The following WDR44 variants were observed in gnomAD, a reference collection of about 807,000 sequenced individuals.
WDR44 encodes the protein WD repeat-containing protein 44.
A neutral mutation model predicts 65.7 loss-of-function variants in WDR44; 9 were observed. The observed-to-expected ratio is 0.14, with a 90% CI of 0.08 to 0.24. WDR44 has a LOEUF of 0.24. Among genes scored for constraint, WDR44 ranks in the 10% least tolerant of loss-of-function variants. WDR44 has a pLI of 1.00. For synonymous variants in WDR44, 220 were observed against 235.2 expected (o/e 0.94, Z 0.59); for missense variants, 425 against 670.9 (o/e 0.63, Z 4.05).
At position 118,448,960 on chromosome X, in the gene WDR44, T is replaced by A. The variant is rs2057369927; in HGVS notation, c.2715T>A (p.Phe905Leu). 1 of 1,192,091 alleles carries A rather than the reference T, an allele frequency of 8.4e-7. No individual in the cohort carries two copies. ...SADFTGAIKV[F>L]VNKRKNVS The stretch of plus-strand genomic sequence containing the variant: ...ACTTCACTGGAGCAATCAAAGTGTT[T>A]GTTAATAAAAGAAAAAATGTATCTT... The change falls in exon 20 of 20, where the codon TTT (phenylalanine) becomes TTA (leucine). Residue 905 changes from phenylalanine to leucine, a missense_variant. Physicochemically the swap from Phe to Leu is conservative, Grantham distance 22. This residue lies in a region of WDR44 where 37 missense variants were observed against 40.9 expected (regional missense o/e 0.90). Transcript: ENST00000254029.
chrX:118,414,276 T>TA (rs1491230351), intron 12 of WDR44, among the ~76,000 whole-genome samples: 9 of 95,140 alleles, frequency 9.5e-5, no homozygotes, highest in South Asian at 5.1e-4. Flanking sequence ...TTTTTTTTTT[T>TA]ATGTTCCATG....
At chrX:118,402,021 G>GT (rs200328139) in intron 8 of WDR44, among the ~76,000 whole-genome samples, 11,179 of 105,847 alleles carry the variant, frequency 0.11, 588 homozygotes, top group African/African-American at 0.19. Flanking sequence ...TGTTTTTTTG[G>GT]TTTTTTTTTA....
intron 3 of WDR44, among the ~76,000 whole-genome samples, chrX:118,390,187 G>A (rs775536784): frequency 2.4e-4 from 27 of 111,147 alleles, no homozygotes; most frequent in Middle Eastern, 4.7e-3. Context: ...CTCCCAAAGT[G>A]CTGGGATTAC....
chrX:118,357,502 C>G (rs748228146), intron 1 of WDR44, among the ~76,000 whole-genome samples: 21 of 106,455 alleles, frequency 2.0e-4, no homozygotes, highest in Non-Finnish European at 3.3e-4. Context: ...TAGAATTTAT[C>G]AATTTAAATT....
At chrX:118,353,828 A>G (rs1368418033) in intron 1 of WDR44, among the ~76,000 whole-genome samples, 1 of 112,443 alleles carries the variant, frequency 8.9e-6, no homozygotes, top group Non-Finnish European at 1.9e-5. Flanking sequence ...CATCTTGATC[A>G]TCAGCAGCTA....
chrX:118,429,828 A>G (rs958245330), intron 12 of WDR44, among the ~76,000 whole-genome samples: 1 of 110,506 alleles, frequency 9.0e-6, no homozygotes, highest in Non-Finnish European at 1.9e-5. Flanking sequence ...TTTTTAGTAG[A>G]GATGGAGTTT....
rs974329602 is a variant in WDR44 at position 118,355,567 on chromosome X, T to A, written c.77+8987T>A. ...AGCTTGGCTTAAGGGTTAAGGTTAA[T>A]GATTGAGATCAGTCCTTTTTCCTTT... is the stretch of plus-strand genomic sequence containing the variant. On this transcript the variant is annotated intron_variant, in intron 1 of 19. Coordinates refer to ENST00000254029, the MANE Select transcript of WDR44 (RefSeq NM_019045.5). Among the ~76,000 whole-genome samples, 10 of 112,353 alleles carry A rather than the reference T, an allele frequency of 8.9e-5. 1 individual carries two copies. The highest frequency in any genetic ancestry group is 1.9e-4 in the Admixed American group (2 of 10,596).
At chrX:118,440,949 CTTTTTTTTTTTT>C (rs1214126337) in intron 14 of WDR44, among the ~76,000 whole-genome samples, 1 of 50,357 alleles carries the variant, frequency 2.0e-5, no homozygotes. Flanking sequence ...TAAATGAAAT[CTTTTTTTTTTTT>C]TTTTTTTTTT....
chrX:118,369,449 G>A (rs1268296874), intron 1 of WDR44, among the ~76,000 whole-genome samples: 1 of 99,795 alleles, frequency 1.0e-5, no homozygotes, highest in African/African-American at 3.7e-5. Context: ...GGGATTACAG[G>A]TGTGAGCCAC....
chrX:118,442,507 G>A, intron 16 of WDR44, 58 bp from the exon 17 acceptor site: 1 of 1,087,427 alleles, frequency 9.2e-7, no homozygotes, highest in Non-Finnish European at 1.3e-6. Flanking sequence ...TTTTTGGGTT[G>A]TAGCTTAGCT....
intron 2 of WDR44, chrX:118,386,322 TGA>T (rs1192296427): frequency 8.7e-6 from 3 of 344,999 alleles, no homozygotes; most frequent in Non-Finnish European, 1.7e-5. Context: ...AGTATTGTAT[TGA>T]GATTTGCAAA....
chrX:118,413,488 T>C (rs1445820595), intron 12 of WDR44, among the ~76,000 whole-genome samples: 1 of 112,441 alleles, frequency 8.9e-6, no homozygotes, highest in East Asian at 2.8e-4. Context: ...GTATATTTTT[T>C]TGAGAATTGT....
At chrX:118,396,933 T>G (rs1469825720) in intron 6 of WDR44, 37 bp from the exon 7 acceptor site, 1 of 1,136,052 alleles carries the variant, frequency 8.8e-7, no homozygotes, top group Non-Finnish European at 1.2e-6. Context: ...AAATTGCAGG[T>G]CATCTTGGTG....
At chrX:118,429,813 T>C (rs1033915704) in intron 12 of WDR44, among the ~76,000 whole-genome samples, 3 of 110,577 alleles carry the variant, frequency 2.7e-5, no homozygotes, top group Non-Finnish European at 5.7e-5. Flanking sequence ...CGGCTAATTT[T>C]TGTATTTTTA....
chrX:118,379,860 A>C (rs1377832271), intron 2 of WDR44, among the ~76,000 whole-genome samples: 1 of 111,738 alleles, frequency 8.9e-6, no homozygotes, highest in Non-Finnish European at 1.9e-5. Context: ...TACTCAGGAC[A>C]AAAGGTATAT....
At chrX:118,363,786 A>G (rs1243603948) in intron 1 of WDR44, among the ~76,000 whole-genome samples, 1 of 112,521 alleles carries the variant, frequency 8.9e-6, no homozygotes. Flanking sequence ...ATAAATCCAA[A>G]ATCCAAAAAG....
At chrX:118,374,578 G>T (rs988099406) in intron 1 of WDR44, among the ~76,000 whole-genome samples, 12 of 111,719 alleles carry the variant, frequency 1.1e-4, no homozygotes, top group African/African-American at 3.9e-4. Flanking sequence ...ATGTCACCCA[G>T]TTGCAAGCAG....
intron 1 of WDR44, among the ~76,000 whole-genome samples, chrX:118,366,973 C>G (rs2056559070): frequency 9.1e-6 from 1 of 110,453 alleles, no homozygotes; most frequent in South Asian, 3.8e-4. Context: ...GTAGTCCCAG[C>G]TACTCAGGAG....
intron 12 of WDR44, among the ~76,000 whole-genome samples, chrX:118,425,433 A>G (rs994332250): frequency 2.7e-5 from 3 of 111,599 alleles, no homozygotes; most frequent in African/African-American, 9.8e-5. Flanking sequence ...GGATCACCTG[A>G]GGTCAGGAGT....
Sources: allele counts gnomAD v4.1 joint callset (sites outside exome capture counted in the v4.1 genomes callset), GRCh38; gene constraint gnomAD v4.1.1; regional missense constraint gnomAD v4.1.1; transcripts MANE v1.5; gene names NCBI Gene and HGNC (gene_info 2026-07-23, HGNC 2026-07-21).